PCDH15: variants seen among roughly 807,000 people sequenced by gnomAD.
PCDH15 encodes the protein protocadherin-15.
In PCDH15, 129 loss-of-function variants were observed where a neutral mutation model predicts 178.5. That is an observed-to-expected ratio of 0.72 (90% CI 0.63 to 0.84). The LOEUF (loss-of-function observed/expected upper bound fraction) is 0.84, where lower values mean the gene tolerates loss of function less well. PCDH15 is among the 40% of genes least tolerant of loss of function. The pLI, the probability that PCDH15 is intolerant of heterozygous loss-of-function variation, is 0.00. For synonymous variants in PCDH15, 800 were observed against 732.0 expected (o/e 1.09, Z -1.50); for missense variants, 2,230 against 2,099.9 (o/e 1.06, Z -1.21).
intron 2 of PCDH15, among the ~76,000 whole-genome samples, chr10:55,069,519 T>C (rs1396534160): frequency 3.6e-5 from 5 of 138,708 alleles, no homozygotes; most frequent in East Asian, 2.2e-4. Flanking sequence ...TGAGTGAGAA[T>C]ATGCGGTGTT....
At chr10:53,872,748 T>G (rs2079959260) in intron 26 of PCDH15, among the ~76,000 whole-genome samples, 1 of 152,208 alleles carries the variant, frequency 6.6e-6, no homozygotes, top group Admixed American at 6.5e-5. Flanking sequence ...GAAGTTTGCC[T>G]TTTTCTTTAG....
In PCDH15 at chr10:54,150,371, C is replaced by G. The variant is rs201422770; in HGVS notation, c.1784+2729G>C. On this transcript the variant is annotated intron_variant, in intron 14 of 37. Transcript: ENST00000644397. ...GTTTAGTTACAGTCCATCAAGTTTCCTACACCTGGTGTAGTATTGAGTTAT... is the reference window on the plus strand; with the variant it reads ...GTTTAGTTACAGTCCATCAAGTTTCGTACACCTGGTGTAGTATTGAGTTAT... 3.9e-5 allele frequency among the ~76,000 whole-genome samples: 6 copies of G among 152,108 alleles called. No homozygotes were observed. In the South Asian group the frequency reaches 6.2e-4, roughly 16 times the overall value.
At chr10:54,930,029 A>G (rs1454475) in intron 2 of PCDH15, among the ~76,000 whole-genome samples, 20,456 of 152,174 alleles carry the variant, frequency 0.13, 1,569 homozygotes, top group East Asian at 0.23. Context: ...CTGCAGACAT[A>G]GATAAGCAAG....
chr10:54,725,342 C>T (rs928448100), intron 1 of PCDH15, among the ~76,000 whole-genome samples: 8 of 150,166 alleles, frequency 5.3e-5, no homozygotes, highest in African/African-American at 1.5e-4. Context: ...CAGTAATGAG[C>T]GAAATTTAGT....
intron 8 of PCDH15, among the ~76,000 whole-genome samples, chr10:54,270,467 C>T (rs1415047637): frequency 1.3e-5 from 2 of 152,078 alleles, no homozygotes; most frequent in Admixed American, 6.6e-5. Context: ...CTAAATAGCC[C>T]TGGGAATTCA....
intron 1 of PCDH15, among the ~76,000 whole-genome samples, chr10:55,180,146 A>G (rs1839601573): frequency 6.6e-6 from 1 of 152,022 alleles, no homozygotes; most frequent in Admixed American, 6.6e-5. Flanking sequence ...GAACTCTGAG[A>G]AGTTGGAGAG....
At chr10:55,314,703 AATT>A (rs1843680239) in intron 1 of PCDH15, among the ~76,000 whole-genome samples, 1 of 152,180 alleles carries the variant, frequency 6.6e-6, no homozygotes, top group Non-Finnish European at 1.5e-5. Context: ...AATGTAGTAG[AATT>A]GTCTTCTTAT....
intron 15 of PCDH15, among the ~76,000 whole-genome samples, chr10:54,118,613 T>C (rs2095158503): frequency 6.6e-6 from 1 of 152,062 alleles, no homozygotes; most frequent in African/African-American, 2.4e-5. Context: ...TGAGTCGAGA[T>C]TGTGCCACTG....
chr10:55,067,925 T>C (rs1341200549), intron 2 of PCDH15, among the ~76,000 whole-genome samples: 1 of 152,132 alleles, frequency 6.6e-6, no homozygotes, highest in Non-Finnish European at 1.5e-5. Flanking sequence ...TTTGCCAATT[T>C]TTAATGCGAT....
chr10:54,584,854 T>C lies in PCDH15; in HGVS notation c.92-56977A>G, dbSNP rs567346918. On this transcript the variant is annotated intron_variant, in intron 2 of 37. Transcript: ENST00000644397. ...GTGACCAAATGTCCATTAGCAATGA[T>C]AGTCTAGTCATATAAAAATGTGGCT... 3.2e-3 allele frequency among the ~76,000 whole-genome samples: 484 copies of C among 152,258 alleles called. 3 individuals carry two copies. The highest frequency in any genetic ancestry group is 0.017 in the Middle Eastern group (5 of 294).
intron 1 of PCDH15, among the ~76,000 whole-genome samples, chr10:54,685,687 C>T (rs1283572359): frequency 1.3e-5 from 2 of 152,114 alleles, no homozygotes; most frequent in Admixed American, 6.6e-5. Context: ...AGTTAAAATG[C>T]ATTTAATAAA....
At chr10:54,233,323 A>T (rs2054275341) in intron 9 of PCDH15, among the ~76,000 whole-genome samples, 1 of 151,994 alleles carries the variant, frequency 6.6e-6, no homozygotes, top group Non-Finnish European at 1.5e-5. Flanking sequence ...ATTAGAGATT[A>T]AAATACATGT....
intron 26 of PCDH15, among the ~76,000 whole-genome samples, chr10:53,871,986 A>C (rs1000596449): frequency 6.6e-6 from 1 of 152,152 alleles, no homozygotes; most frequent in African/African-American, 2.4e-5. Context: ...TCTCTACTAA[A>C]AATATAAAAT....
intron 1 of PCDH15, among the ~76,000 whole-genome samples, chr10:54,766,247 G>A (rs1192170329): frequency 1.3e-5 from 2 of 152,034 alleles, no homozygotes; most frequent in East Asian, 3.9e-4. Flanking sequence ...AACAGCAGAG[G>A]AGAAATGATG....
intron 17 of PCDH15, among the ~76,000 whole-genome samples, chr10:54,073,168 A>G (rs1382310433): frequency 6.6e-6 from 1 of 151,490 alleles, no homozygotes; most frequent in East Asian, 1.9e-4. Flanking sequence ...GCAATCGTGC[A>G]TGTTTTTATA....
At chr10:54,351,706 T>G (rs1407920969) in intron 5 of PCDH15, among the ~76,000 whole-genome samples, 1 of 152,138 alleles carries the variant, frequency 6.6e-6, no homozygotes, top group Admixed American at 6.5e-5. Context: ...GCTGTTCAAT[T>G]GCAACAGGAT....
intron 2 of PCDH15, among the ~76,000 whole-genome samples, chr10:55,030,571 G>A (rs1302505832): frequency 6.6e-6 from 1 of 152,082 alleles, no homozygotes; most frequent in Non-Finnish European, 1.5e-5. Context: ...AATCTTTTTG[G>A]AAAAGTTAGA....
intron 1 of PCDH15, among the ~76,000 whole-genome samples, chr10:55,244,464 C>T (rs559835732): frequency 6.6e-6 from 1 of 152,100 alleles, no homozygotes; most frequent in South Asian, 2.1e-4. Context: ...CATGAAAATT[C>T]CTAAACCCCA....
intron 2 of PCDH15, among the ~76,000 whole-genome samples, chr10:55,094,641 A>G (rs1332232438): frequency 6.6e-6 from 1 of 152,130 alleles, no homozygotes; most frequent in Non-Finnish European, 1.5e-5. Flanking sequence ...AGGCTTATAC[A>G]TATGTTGCCA....
Sources: allele counts gnomAD v4.1 joint callset (sites outside exome capture counted in the v4.1 genomes callset), GRCh38; gene constraint gnomAD v4.1.1; transcripts MANE v1.5; gene names NCBI Gene and HGNC (gene_info 2026-07-23, HGNC 2026-07-21).